Variants in SMC6 observed in about 807,000 individuals in gnomAD.
The protein encoded by SMC6 is structural maintenance of chromosomes protein 6.
A neutral mutation model predicts 142.2 loss-of-function variants in SMC6; 79 were observed. The ratio of observed to expected loss-of-function variants is 0.56; its 90% CI spans 0.46 to 0.67. SMC6 has a LOEUF of 0.67. SMC6 is among the 30% of genes least tolerant of loss of function. SMC6 has a pLI of 0.00. For synonymous variants in SMC6, 411 were observed against 412.4 expected (o/e 1.00, Z 0.04); for missense variants, 1,072 against 1,284.0 (o/e 0.83, Z 2.52).
intron 23 of SMC6, among the ~76,000 whole-genome samples, chr2:17,688,456 T>C (rs751347656): frequency 1.3e-5 from 2 of 152,016 alleles, no homozygotes; most frequent in Non-Finnish European, 2.9e-5. Flanking sequence ...TCCCAGCACT[T>C]TGGGAGGCTG....
At chr2:17,699,731 G>A (rs375323779) in intron 21 of SMC6, among the ~76,000 whole-genome samples, 365 of 152,166 alleles carry the variant, frequency 2.4e-3, no homozygotes, top group African/African-American at 7.4e-3. Context: ...GGTCAATTTT[G>A]TCTCAAAAAG....
chr2:17,734,874 G>A (rs1193109696), intron 5 of SMC6, among the ~76,000 whole-genome samples: 1 of 152,168 alleles, frequency 6.6e-6, no homozygotes, highest in East Asian at 1.9e-4. Flanking sequence ...TGAGATTACA[G>A]GCACCCACCA....
chr2:17,752,279 T>A lies in SMC6; in HGVS notation c.-6+699A>T, dbSNP rs1369784551. On this transcript the variant is annotated intron_variant, in intron 2 of 27. Transcript: ENST00000448223. ...CACATACTTAAAAGTTATCTCTAGA[T>A]TACTTATATAACCTAACACAATGCA... Among the ~76,000 whole-genome samples, 3 of 152,232 alleles carry A rather than the reference T, an allele frequency of 2.0e-5. No individual in the cohort carries two copies. In the East Asian group the frequency reaches 5.8e-4, roughly 29 times the overall value.
At chr2:17,671,670 A>AG (rs1666771598) in intron 25 of SMC6, among the ~76,000 whole-genome samples, 1 of 151,454 alleles carries the variant, frequency 6.6e-6, no homozygotes, top group Non-Finnish European at 1.5e-5. Context: ...ATTCTAAATA[A>AG]AATCTTTTAA....
chr2:17,690,096 T>C (rs1667635243), intron 23 of SMC6, among the ~76,000 whole-genome samples: 1 of 152,232 alleles, frequency 6.6e-6, no homozygotes, highest in South Asian at 2.1e-4. Context: ...AGTTGCTTCT[T>C]AAATCATTAC....
intron 23 of SMC6, among the ~76,000 whole-genome samples, chr2:17,685,549 T>C (rs781440899): frequency 3.9e-5 from 6 of 152,140 alleles, no homozygotes; most frequent in Admixed American, 1.3e-4. Flanking sequence ...AATGGCTGCA[T>C]AGTCATGTGG....
chr2:17,745,754 T>C, intron 3 of SMC6, 73 bp downstream of exon 3: 1 of 1,437,610 alleles, frequency 7.0e-7, no homozygotes, highest in Non-Finnish European at 9.3e-7. Context: ...TTTTAAGTTA[T>C]CACAGAATGT....
At position 17,718,243 on chromosome 2, in the gene SMC6, T is replaced by C. The variant is rs752705282; in HGVS notation, c.946-20A>G. 1.3e-6 allele frequency: 2 copies of C among 1,541,252 alleles called. No individual in the cohort carries two copies. The highest frequency in any genetic ancestry group is 2.3e-5 in the East Asian group (1 of 43,354). Reference sequence around the variant, plus strand: ...TCTGACCTTTAAGAAAATAACATTATTGAAGTATATTTTTTCTTCAATAGA... The same window carrying C: ...TCTGACCTTTAAGAAAATAACATTACTGAAGTATATTTTTTCTTCAATAGA... On this transcript the variant is annotated intron_variant, in intron 11 of 27. Transcript: ENST00000448223.
intron 5 of SMC6, among the ~76,000 whole-genome samples, chr2:17,736,788 C>T (rs140747837): frequency 0.019 from 2,869 of 151,854 alleles, 91 homozygotes; most frequent in African/African-American, 0.067. Context: ...ATGAGAATCA[C>T]TTGAACCCGG....
chr2:17,743,842 C>T (rs1489667772), intron 3 of SMC6, among the ~76,000 whole-genome samples: 1 of 152,144 alleles, frequency 6.6e-6, no homozygotes. Context: ...AATCATACAG[C>T]ATGTAGCCTT....
Position 17,685,357 on chromosome 2 carries a change from A to G in SMC6, c.2679-1594T>C, listed in dbSNP as rs538802907. Among the ~76,000 whole-genome samples, 6 of 146,738 alleles carry G rather than the reference A, an allele frequency of 4.1e-5. No homozygotes were observed. The East Asian group carries it at 1.2e-3, about 28-fold the overall frequency. ...ACATTCTGGATAAGTTACAGGACATAATAGACAAACACCAACATAAACAAG... is the reference window on the plus strand; with the variant it reads ...ACATTCTGGATAAGTTACAGGACATGATAGACAAACACCAACATAAACAAG... On this transcript the variant is annotated intron_variant, in intron 23 of 27. Transcript: ENST00000448223.
intron 13 of SMC6, 58 bp downstream of exon 13, chr2:17,717,030 C>A: frequency 6.5e-7 from 1 of 1,549,186 alleles, no homozygotes; most frequent in Non-Finnish European, 8.8e-7. Context: ...TCCAATGCAT[C>A]TACCTTACTT....
Position 17,748,240 on chromosome 2 carries a change from GC to G in SMC6, c.-5-2290del, listed in dbSNP as rs534916784. On this transcript the variant is annotated intron_variant, in intron 2 of 27. Transcript: ENST00000448223. ...ACCTATCAGATATCCAGAATCTCAGGCCCCACCCTAGAGCAAGTGAATCAGA... is the reference window on the plus strand; with the variant it reads ...ACCTATCAGATATCCAGAATCTCAGGCCCACCCTAGAGCAAGTGAATCAGA... 5.1e-4 allele frequency among the ~76,000 whole-genome samples: 78 copies of G among 152,288 alleles called. 1 individual carries two copies. Among genetic ancestry groups the G allele is most frequent in the Non-Finnish European group, 1.0e-3 (71 of 68,036 alleles).
rs1383870028 is a variant in SMC6, at chr2:17,670,477, C to T, written c.3009G>A (p.Leu1003=). 1.2e-6 allele frequency: 2 copies of T among 1,613,664 alleles called. No individual in the cohort carries two copies. Among genetic ancestry groups the T allele is most frequent in the Admixed American group, 1.7e-5 (1 of 59,964 alleles). ...TGAAAGGAGATTCTGCGATGGACCACAGGGAAAGAATAAAACACACTGTGG... is the reference window on the plus strand; with the variant it reads ...TGAAAGGAGATTCTGCGATGGACCATAGGGAAAGAATAAAACACACTGTGG... ...SFSTVCFILS[L]WSIAESPFRC... is the part of the protein sequence containing the mutation. The change falls in exon 26 of 28, where the codon CTG becomes CTA. Residue 1003 remains leucine (L), a synonymous_variant. Coordinates refer to ENST00000448223, the MANE Select transcript of SMC6 (RefSeq NM_001142286.2).
chr2:17,723,065 T>A (rs1167818799), intron 9 of SMC6, among the ~76,000 whole-genome samples: 3 of 151,438 alleles, frequency 2.0e-5, no homozygotes, highest in Non-Finnish European at 4.4e-5. Context: ...AAACTTCCTA[T>A]CTCAATAAAC....
At chr2:17,708,924 T>C (rs935424417) in intron 16 of SMC6, among the ~76,000 whole-genome samples, 171 bp from the exon 17 acceptor site, 3 of 151,950 alleles carry the variant, frequency 2.0e-5, no homozygotes, top group Non-Finnish European at 4.4e-5. Flanking sequence ...TTTGAAAACA[T>C]AGCTGTATAG....
At chr2:17,726,599 C>T (rs202223349) in intron 7 of SMC6, 130 bp from the exon 8 acceptor site, 5 of 605,736 alleles carry the variant, frequency 8.3e-6, no homozygotes, top group East Asian at 2.8e-5. Context: ...AAGGTTATAA[C>T]GTTAGGATAA....
At chr2:17,707,688 A>T (rs1668617368) in intron 17 of SMC6, among the ~76,000 whole-genome samples, 1 of 152,102 alleles carries the variant, frequency 6.6e-6, no homozygotes, top group African/African-American at 2.4e-5. Flanking sequence ...GTGCTTTTTA[A>T]TGTGAAAATA....
At chr2:17,740,748 G>A (rs76789990) in intron 4 of SMC6, 1 of 442,360 alleles carries the variant, frequency 2.3e-6, no homozygotes, top group Non-Finnish European at 4.5e-6. Context: ...TACTCACAAG[G>A]CTGAAACAGG....
Sources: allele counts gnomAD v4.1 joint callset (sites outside exome capture counted in the v4.1 genomes callset), GRCh38; gene constraint gnomAD v4.1.1; transcripts MANE v1.5; gene names NCBI Gene and HGNC (gene_info 2026-07-23, HGNC 2026-07-21).